Variants in ARHGAP32 observed in about 807,000 individuals in gnomAD.
ARHGAP32 encodes rho GTPase-activating protein 32.
ARHGAP32 carries 51 observed loss-of-function variants against 186.5 expected under a neutral mutation model. That is an observed-to-expected ratio of 0.27 (90% CI 0.22 to 0.35). The LOEUF is 0.35. ARHGAP32 is among the 10% of genes least tolerant of loss of function. The probability of loss-of-function intolerance (pLI) is 1.00; values close to 1 mark genes in which losing one functional copy is unlikely to be tolerated. For synonymous variants in ARHGAP32, 950 were observed against 964.3 expected, an observed-to-expected ratio of 0.99 and a Z score of 0.27; for missense variants, 2,186 against 2,623.5, an observed-to-expected ratio of 0.83 and a Z score of 3.64.
chr11:129,123,539 C>T lies in ARHGAP32; in HGVS notation c.360-9G>A. On this transcript the variant is annotated splice_polypyrimidine_tract_variant and intron_variant, in intron 4 of 22. Coordinates refer to ENST00000682385, the MANE Select transcript of ARHGAP32 (RefSeq NM_001378024.1). The surrounding 1 kb of genome is among the most constrained non-coding windows in gnomAD (Gnocchi z 4.6). ...CTTTAGTGAAGGGTAACCTGAAACA[C>T]ATGAAATAAATAAGAAACGAGATAG... is the stretch of plus-strand genomic sequence containing the variant. 1 of 1,606,806 alleles carries T rather than the reference C, an allele frequency of 6.2e-7. No homozygotes were observed. The highest frequency in any genetic ancestry group is 8.5e-7 in the Non-Finnish European group (1 of 1,174,230).
intron 5 of ARHGAP32, among the ~76,000 whole-genome samples, chr11:129,109,071 C>A (rs919457610): frequency 6.6e-6 from 1 of 151,978 alleles, no homozygotes; most frequent in Non-Finnish European, 1.5e-5. Context: ...ATCATGTTGC[C>A]CCTTCTCAGA....
intron 7 of ARHGAP32, among the ~76,000 whole-genome samples, chr11:129,065,326 G>C (rs1940650779): frequency 6.6e-6 from 1 of 152,010 alleles, no homozygotes; most frequent in Non-Finnish European, 1.5e-5. Context: ...ATGGCCTGTG[G>C]CAGGAGCAGC....
intron 17 of ARHGAP32, among the ~76,000 whole-genome samples, chr11:128,981,065 T>C (rs1450775471): frequency 6.6e-6 from 1 of 152,218 alleles, no homozygotes; most frequent in African/African-American, 2.4e-5. Flanking sequence ...CTTTAATAAC[T>C]GTTTTCCTTT....
At chr11:129,266,091 A>T (rs1351143775) in intron 1 of ARHGAP32, among the ~76,000 whole-genome samples, 1 of 152,172 alleles carries the variant, frequency 6.6e-6, no homozygotes, top group Non-Finnish European at 1.5e-5. Flanking sequence ...GTAATTTCCT[A>T]CAAGCCCTAG....
chr11:129,193,541 T>A (rs1380211653), upstream of ARHGAP32, among the ~76,000 whole-genome samples: 2 of 31,054 alleles, frequency 6.4e-5, no homozygotes, highest in Non-Finnish European at 1.2e-4. Flanking sequence ...AATATATATA[T>A]TATATATAAT....
intron 1 of ARHGAP32, among the ~76,000 whole-genome samples, chr11:129,208,043 A>G (rs1199446354): frequency 6.6e-6 from 1 of 152,164 alleles, no homozygotes; most frequent in East Asian, 1.9e-4. Context: ...GACTATTACT[A>G]AGATTCCACC....
chr11:129,083,385 T>C (rs1020999865), intron 6 of ARHGAP32, among the ~76,000 whole-genome samples: 3 of 152,174 alleles, frequency 2.0e-5, no homozygotes, highest in Non-Finnish European at 4.4e-5. Context: ...GCAATACTAC[T>C]CAGCCATAAA....
chr11:129,054,363 G>A (rs1224660956), intron 10 of ARHGAP32, among the ~76,000 whole-genome samples: 1 of 152,096 alleles, frequency 6.6e-6, no homozygotes, highest in Admixed American at 6.6e-5. Context: ...TAAACAGTGC[G>A]AGCCTACATC....
rs1366044927 is a variant in ARHGAP32 at position 129,066,739 on chromosome 11, T to C, written c.661A>G (p.Ser221Gly). 5 of 1,612,264 alleles carry C rather than the reference T, an allele frequency of 3.1e-6. No homozygotes were observed. The highest frequency in any genetic ancestry group is 3.4e-6 in the Non-Finnish European group (4 of 1,178,790). The change falls in exon 7 of 23, where the codon AGT becomes GGT. Residue 221 changes from serine (S) to glycine (G), a missense_variant. By Grantham distance (56) the Ser-to-Gly change is moderately conservative. Around this residue, in one of 5 missense-constraint regions of ARHGAP32, gnomAD observed 308 missense variants for 596.5 expected, o/e 0.52. Transcript: ENST00000682385. ...ELPRSDTLKD[S>G]PESVTQMLMA... Reference sequence around the variant, plus strand: ...ATGTACTAAATGCTTACCTCTGGACTGTCCTTCAGGGTGTCAGAACGGGGA... The same window carrying C: ...ATGTACTAAATGCTTACCTCTGGACCGTCCTTCAGGGTGTCAGAACGGGGA...
intron 2 of ARHGAP32, among the ~76,000 whole-genome samples, chr11:129,143,251 T>C (rs1157530075): frequency 6.6e-6 from 1 of 152,024 alleles, no homozygotes. Flanking sequence ...TTGTCCCCTT[T>C]CTTAAAAAGA....
intron 2 of ARHGAP32, among the ~76,000 whole-genome samples, chr11:129,133,724 T>G (rs1942872378): frequency 1.3e-5 from 2 of 152,180 alleles, no homozygotes; most frequent in Admixed American, 1.3e-4. Context: ...CTAAGAGAAT[T>G]TGTCACCAGT....
At chr11:129,109,088 T>C (rs1379144060) in intron 5 of ARHGAP32, among the ~76,000 whole-genome samples, 1 of 152,134 alleles carries the variant, frequency 6.6e-6, no homozygotes, top group Non-Finnish European at 1.5e-5. Flanking sequence ...CAGACTGTTA[T>C]TCTACTCTCT....
In ARHGAP32 at chr11:129,014,322, G is replaced by C. The variant is rs541234005; in HGVS notation, c.1046-15854C>G. 7.2e-5 allele frequency among the ~76,000 whole-genome samples: 11 copies of C among 152,232 alleles called. 1 individual carries two copies. In the South Asian group the frequency reaches 2.3e-3, roughly 32 times the overall value. On this transcript the variant is annotated intron_variant, in intron 11 of 22. Transcript: ENST00000682385. ...AGAGATACTAAAAAACATGCAGTTC[G>C]TTAAGCCATAGTGAACCTTGGCATG...
intron 10 of ARHGAP32, among the ~76,000 whole-genome samples, chr11:129,050,785 C>T (rs917699610): frequency 1.3e-5 from 2 of 152,124 alleles, no homozygotes; most frequent in South Asian, 2.1e-4. Context: ...TAATGCTATC[C>T]GTTCCCTAGT....
Position 129,113,680 on chromosome 11 carries a change from T to C in ARHGAP32, c.444+9766A>G, listed in dbSNP as rs532758826. 2.0e-5 allele frequency among the ~76,000 whole-genome samples: 3 copies of C among 152,252 alleles called. No individual in the cohort carries two copies. In the East Asian group the frequency reaches 5.8e-4, roughly 29 times the overall value. On this transcript the variant is annotated intron_variant, in intron 5 of 22. Transcript: ENST00000682385. ...TAAAATTCACATATGAGTGGACCCATACAGTTCAAACCCATGTTGTTCAAG... is the reference window on the plus strand; with the variant it reads ...TAAAATTCACATATGAGTGGACCCACACAGTTCAAACCCATGTTGTTCAAG...
chr11:129,143,072 C>T (rs866674859), intron 2 of ARHGAP32, among the ~76,000 whole-genome samples: 4 of 112,466 alleles, frequency 3.6e-5, no homozygotes, highest in Non-Finnish European at 3.8e-5. Context: ...GGTAAAACTG[C>T]ATATATATAT....
chr11:129,088,600 A>G (rs376723145), intron 6 of ARHGAP32, among the ~76,000 whole-genome samples: 4 of 152,274 alleles, frequency 2.6e-5, no homozygotes, highest in African/African-American at 7.2e-5. Context: ...CAATCAATAA[A>G]ATAGAGCCTT....
chr11:129,024,678 A>C (rs1938754037), intron 11 of ARHGAP32, among the ~76,000 whole-genome samples: 2 of 152,224 alleles, frequency 1.3e-5, no homozygotes, highest in Admixed American at 1.3e-4. Flanking sequence ...GGAAATCCAG[A>C]ATTAAACAAG....
intron 1 of ARHGAP32, among the ~76,000 whole-genome samples, chr11:129,262,950 T>C (rs1335408410): frequency 6.6e-6 from 1 of 152,326 alleles, no homozygotes. Flanking sequence ...TACTAGTATA[T>C]ATAGTCAAAT....
Sources: gnomAD v4.1 joint callset for allele counts (sites outside exome capture counted in the v4.1 genomes callset) on GRCh38, gnomAD v4.1.1 for gene constraint, gnomAD v4.1.1 regional missense constraint, Gnocchi (gnomAD v3.1) non-coding constraint, MANE v1.5 for transcripts, NCBI Gene and HGNC (gene_info 2026-07-23, HGNC 2026-07-21) for gene names.